PCDH15: variants seen among roughly 807,000 people sequenced by gnomAD.
PCDH15 encodes the protein protocadherin-15.
Under a neutral mutation model 178.5 loss-of-function variants are expected in PCDH15, and 129 were observed. The observed-to-expected ratio is 0.72, with a 90% CI of 0.63 to 0.84. The LOEUF is 0.84. Ranked by LOEUF, PCDH15 falls within the 40% of genes least tolerant of loss-of-function variation. The probability of loss-of-function intolerance (pLI) is 0.00; values close to 1 mark genes in which losing one functional copy is unlikely to be tolerated. For missense variants in PCDH15, 2,230 were observed against 2,099.9 expected (o/e 1.06, Z -1.21); for synonymous variants, 800 against 732.0 (o/e 1.09, Z -1.50).
intron 17 of PCDH15, among the ~76,000 whole-genome samples, chr10:54,067,828 TA>T (rs1325519306): frequency 6.6e-6 from 1 of 152,148 alleles, no homozygotes; most frequent in African/African-American, 2.4e-5. Context: ...ACCTTTTGTT[TA>T]AAAAAATGCA....
intron 2 of PCDH15, among the ~76,000 whole-genome samples, chr10:55,155,767 A>C (rs921700726): frequency 6.6e-5 from 10 of 152,104 alleles, no homozygotes; most frequent in African/African-American, 2.4e-4. Flanking sequence ...TGATGAGTAA[A>C]CTGACAATTC....
At chr10:55,454,499 C>T (rs538779313) in intron 2 of PCDH15, among the ~76,000 whole-genome samples, 17 of 151,782 alleles carry the variant, frequency 1.1e-4, no homozygotes, top group Middle Eastern at 3.4e-3. Context: ...CTAGATAGGC[C>T]GGGTGCTGTG....
intron 13 of PCDH15, among the ~76,000 whole-genome samples, chr10:54,172,863 C>A (rs1318117091): frequency 6.6e-6 from 1 of 152,068 alleles, no homozygotes; most frequent in Non-Finnish European, 1.5e-5. Context: ...AATTGGACAA[C>A]TTTCACTATG....
At chr10:55,407,531 C>A (rs962536158) in intron 2 of PCDH15, among the ~76,000 whole-genome samples, 1 of 152,150 alleles carries the variant, frequency 6.6e-6, no homozygotes, top group African/African-American at 2.4e-5. Context: ...CATTCTTAAA[C>A]CTCTCTAAGT....
chr10:54,852,564 T>C (rs894945023), intron 3 of PCDH15, among the ~76,000 whole-genome samples: 3 of 152,110 alleles, frequency 2.0e-5, no homozygotes, highest in Admixed American at 6.6e-5. Flanking sequence ...GAAATAAGTT[T>C]ATTTTAGGCC....
At chr10:54,008,382 A>C in intron 20 of PCDH15, among the ~76,000 whole-genome samples, 1 of 152,290 alleles carries the variant, frequency 6.6e-6, no homozygotes, top group Non-Finnish European at 1.5e-5. Context: ...TAGAAGCGTT[A>C]AGTAATACCC....
intron 23 of PCDH15, among the ~76,000 whole-genome samples, chr10:53,959,160 A>G (rs1257916288): frequency 1.3e-5 from 2 of 148,348 alleles, no homozygotes; most frequent in Non-Finnish European, 3.0e-5. Flanking sequence ...TATGTATTAT[A>G]TATGTGTATA....
At chr10:54,702,307 G>A (rs1034424194) in intron 1 of PCDH15, among the ~76,000 whole-genome samples, 6 of 151,750 alleles carry the variant, frequency 4.0e-5, no homozygotes, top group Non-Finnish European at 8.8e-5. Flanking sequence ...CTAAAGCAGT[G>A]TTAAACAAAA....
At chr10:54,519,435 C>G (rs1008189321) in intron 3 of PCDH15, among the ~76,000 whole-genome samples, 1 of 152,036 alleles carries the variant, frequency 6.6e-6, no homozygotes, top group African/African-American at 2.4e-5. Context: ...AACAGAGAGC[C>G]AAATCATGAG....
Position 54,195,975 on chromosome 10 carries a change from T to C in PCDH15, c.1099-86A>G. On this transcript the variant is annotated intron_variant, in intron 10 of 37. Transcript: ENST00000644397. ...TTCACTTTTCATGCAATATATAGGG[T>C]TCTCTTTTTAACTAATATCATCACA... 7 of 1,229,062 alleles carry C rather than the reference T, an allele frequency of 5.7e-6. No individual in the cohort carries two copies. In the South Asian group the frequency reaches 7.8e-5, roughly 14 times the overall value. The allele number at this position is 1,229,062 out of a possible 1,614,324, so 76.1% of individuals were successfully genotyped here.
At chr10:54,204,968 T>C (rs2050636577) in intron 10 of PCDH15, among the ~76,000 whole-genome samples, 1 of 152,186 alleles carries the variant, frequency 6.6e-6, no homozygotes, top group African/African-American at 2.4e-5. Context: ...ATATCTGACA[T>C]GTATCTGCTG....
At chr10:54,443,006 G>C (rs1196209451) in intron 3 of PCDH15, among the ~76,000 whole-genome samples, 1 of 151,650 alleles carries the variant, frequency 6.6e-6, no homozygotes, top group East Asian at 1.9e-4. Flanking sequence ...CAGAGCTCCA[G>C]GTGAAATTAT....
At chr10:55,575,852 T>C (rs971183828) in intron 2 of PCDH15, 1 of 152,162 alleles carries the variant, frequency 6.6e-6, no homozygotes. Flanking sequence ...AAAAGGTCAT[T>C]CATTCAGAAA....
chr10:54,399,574 G>T (rs1410057690), intron 3 of PCDH15, among the ~76,000 whole-genome samples: 1 of 152,066 alleles, frequency 6.6e-6, no homozygotes, highest in Non-Finnish European at 1.5e-5. Context: ...AAGAACTTTT[G>T]CAGATTAATG....
rs550209954 is a variant in PCDH15, at chr10:54,546,149, C to T, written c.92-18272G>A. ...CTATTTGGCTCTCATGATCTTGCCG[C>T]TGTGGCATCCAAGCTTAGTTTTCTG... On this transcript the variant is annotated intron_variant, in intron 2 of 37. Coordinates refer to ENST00000644397, the MANE Select transcript of PCDH15 (RefSeq NM_001384140.1). 4.6e-5 allele frequency among the ~76,000 whole-genome samples: 7 copies of T among 152,288 alleles called. No homozygotes were observed. In the South Asian group the frequency reaches 1.5e-3, roughly 32 times the overall value.
At chr10:55,098,253 C>T (rs1038567254) in intron 2 of PCDH15, among the ~76,000 whole-genome samples, 1 of 152,116 alleles carries the variant, frequency 6.6e-6, no homozygotes, top group Non-Finnish European at 1.5e-5. Flanking sequence ...GTTGAAGTAA[C>T]TTAACTCTGA....
intron 6 of PCDH15, among the ~76,000 whole-genome samples, chr10:54,334,718 T>C (rs1168275880): frequency 2.1e-5 from 3 of 140,180 alleles, no homozygotes; most frequent in African/African-American, 7.4e-5. Flanking sequence ...CACACACGTG[T>C]ATATATATTT....
At chr10:55,385,064 T>C (rs965539744) in intron 2 of PCDH15, among the ~76,000 whole-genome samples, 1 of 152,182 alleles carries the variant, frequency 6.6e-6, no homozygotes, top group Non-Finnish European at 1.5e-5. Flanking sequence ...TTGCCTTTAA[T>C]GTAGAAAATT....
At chr10:55,508,978 AT>A (rs995158410) in intron 2 of PCDH15, among the ~76,000 whole-genome samples, 20 of 151,924 alleles carry the variant, frequency 1.3e-4, no homozygotes, top group African/African-American at 3.1e-4. Flanking sequence ...ACAAAAAAAA[AT>A]ATTTTTATTT....
Sources: gnomAD v4.1 joint callset for allele counts (sites outside exome capture counted in the v4.1 genomes callset) on GRCh38, gnomAD v4.1.1 for gene constraint, MANE v1.5 for transcripts, NCBI Gene and HGNC (gene_info 2026-07-23, HGNC 2026-07-21) for gene names.